Variants in NBAS observed in about 807,000 individuals in gnomAD.
NBAS encodes the protein NAG/BC035112 fusion.
A neutral mutation model predicts 302.5 loss-of-function variants in NBAS; 219 were observed. The ratio of observed to expected loss-of-function variants is 0.72; its 90% CI spans 0.65 to 0.81. NBAS has a LOEUF of 0.81. Ranked by LOEUF, NBAS falls within the 30% of genes least tolerant of loss-of-function variation. The probability of loss-of-function intolerance (pLI) is 0.00; values close to 1 mark genes in which losing one functional copy is unlikely to be tolerated. For synonymous variants in NBAS, 1,118 were observed against 1,021.6 expected, an observed-to-expected ratio of 1.09 and a Z score of -1.80; for missense variants, 2,932 against 2,841.6, an observed-to-expected ratio of 1.03 and a Z score of -0.72.
At chr2:15,326,060 T>C (rs1281356112) in intron 38 of NBAS, among the ~76,000 whole-genome samples, 1 of 152,146 alleles carries the variant, frequency 6.6e-6, no homozygotes, top group Admixed American at 6.5e-5. Context: ...TCAATTAAGT[T>C]TACATCTTAT....
chr2:15,098,025 A>C, the NBAS span, among the ~76,000 whole-genome samples: 1 of 24,624 alleles, frequency 4.1e-5, no homozygotes, highest in African/African-American at 3.1e-4. Flanking sequence ...ATTGTATATA[A>C]TATATATATT....
the NBAS span, among the ~76,000 whole-genome samples, chr2:14,936,692 G>A: frequency 3.9e-5 from 6 of 152,268 alleles, no homozygotes; most frequent in East Asian, 7.7e-4. Flanking sequence ...GGGGAGATTC[G>A]AGGTGGTAGT....
At chr2:15,422,423 C>A (rs1291496236) in intron 23 of NBAS, among the ~76,000 whole-genome samples, 1 of 152,018 alleles carries the variant, frequency 6.6e-6, no homozygotes, top group Non-Finnish European at 1.5e-5. Flanking sequence ...AAATGCAGGA[C>A]GTTACTAATA....
chr2:15,368,191 CTTTTTTTTTT>C (rs1197291033), intron 31 of NBAS, among the ~76,000 whole-genome samples: 1 of 84,890 alleles, frequency 1.2e-5, no homozygotes, highest in Non-Finnish European at 2.3e-5. Flanking sequence ...AATGTTTTGA[CTTTTTTTTTT>C]TTTTTTTTTT....
the NBAS span, among the ~76,000 whole-genome samples, chr2:15,154,803 G>T: frequency 6.6e-6 from 1 of 152,130 alleles, no homozygotes; most frequent in African/African-American, 2.4e-5. Flanking sequence ...AGAAGTATCA[G>T]ACGTGAGGCT....
the NBAS span, among the ~76,000 whole-genome samples, chr2:14,946,485 G>A: frequency 2.0e-5 from 3 of 152,034 alleles, no homozygotes; most frequent in Non-Finnish European, 4.4e-5. Context: ...TCAGAAAGAA[G>A]ATATGACAAT....
intron 10 of NBAS, among the ~76,000 whole-genome samples, chr2:15,510,752 G>A (rs1040160090): frequency 6.6e-6 from 1 of 152,134 alleles, no homozygotes; most frequent in African/African-American, 2.4e-5. Flanking sequence ...CTCTAATTCT[G>A]CCATTTGCTA....
intron 22 of NBAS, among the ~76,000 whole-genome samples, chr2:15,424,836 T>C (rs1295357464): frequency 2.0e-5 from 3 of 152,236 alleles, no homozygotes; most frequent in Non-Finnish European, 4.4e-5. Flanking sequence ...TCTCCTGTGC[T>C]GGCCAGCCAG....
chr2:14,911,555 G>A, the NBAS span, among the ~76,000 whole-genome samples: 1 of 152,188 alleles, frequency 6.6e-6, no homozygotes, highest in African/African-American at 2.4e-5. Flanking sequence ...TCACAGCCCA[G>A]ATCTGCCACT....
intron 11 of NBAS, among the ~76,000 whole-genome samples, chr2:15,503,319 A>G (rs1661672325): frequency 6.6e-6 from 1 of 152,206 alleles, no homozygotes; most frequent in Non-Finnish European, 1.5e-5. Flanking sequence ...CACAGGTTCC[A>G]CATCCTCTGA....
downstream of NBAS, among the ~76,000 whole-genome samples, chr2:15,162,567 G>T (rs1490443200): frequency 6.6e-6 from 1 of 152,206 alleles, no homozygotes; most frequent in Admixed American, 6.5e-5. Flanking sequence ...ACAGCTGTGA[G>T]CAGGTTGCAA....
chr2:14,870,904 TTAA>T, the NBAS span, among the ~76,000 whole-genome samples: 1 of 151,758 alleles, frequency 6.6e-6, no homozygotes, highest in African/African-American at 2.4e-5. Context: ...ATGCAATTGT[TTAA>T]TAATGAGAAA....
chr2:15,098,311 T>TGATATATCG, the NBAS span, among the ~76,000 whole-genome samples: 1 of 2,424 alleles, frequency 4.1e-4, no homozygotes, highest in Non-Finnish European at 1.2e-3. Flanking sequence ...ATATAATATA[T>TGATATATCG]TGTATATCAT....
chr2:14,978,153 A>T, the NBAS span, among the ~76,000 whole-genome samples: 1 of 152,118 alleles, frequency 6.6e-6, no homozygotes, highest in Non-Finnish European at 1.5e-5. Context: ...AATTCCACGT[A>T]TTCCTTTAAT....
chr2:15,481,623 G>T (rs1680430949), intron 12 of NBAS, among the ~76,000 whole-genome samples: 1 of 149,454 alleles, frequency 6.7e-6, no homozygotes. Flanking sequence ...GGCACCATGT[G>T]AATACATTTC....
the NBAS span, among the ~76,000 whole-genome samples, chr2:14,981,926 C>T: frequency 1.3e-5 from 2 of 152,236 alleles, no homozygotes; most frequent in African/African-American, 4.8e-5. Context: ...CCTCTGTCCA[C>T]ATACTGCTCC....
At chr2:15,063,403 C>T in the NBAS span, among the ~76,000 whole-genome samples, 1 of 151,916 alleles carries the variant, frequency 6.6e-6, no homozygotes, top group Non-Finnish European at 1.5e-5. Context: ...TCACTCATGG[C>T]CCCATCTTTC....
chr2:14,985,979 G>A, the NBAS span, among the ~76,000 whole-genome samples: 3 of 152,116 alleles, frequency 2.0e-5, no homozygotes, highest in Non-Finnish European at 4.4e-5. Flanking sequence ...CATTCTCTAG[G>A]TAGAGATCAG....
At chr2:14,793,902 T>C in the NBAS span, among the ~76,000 whole-genome samples, 1 of 152,146 alleles carries the variant, frequency 6.6e-6, no homozygotes, top group Non-Finnish European at 1.5e-5. Context: ...AGGCACAATA[T>C]TTTACGAGTA....
Sources: gnomAD v4.1 joint callset for allele counts (sites outside exome capture counted in the v4.1 genomes callset) on GRCh38, gnomAD v4.1.1 for gene constraint, MANE v1.5 for transcripts, NCBI Gene and HGNC (gene_info 2026-07-23, HGNC 2026-07-21) for gene names.